NGF: variants seen among roughly 807,000 people sequenced by gnomAD.
NGF encodes nerve growth factor.
A neutral mutation model predicts 12.8 loss-of-function variants in NGF; 4 were observed. That is an observed-to-expected ratio of 0.31 (90% confidence interval 0.15 to 0.72). The LOEUF (loss-of-function observed/expected upper bound fraction) is 0.72. Among genes scored for constraint, NGF ranks in the 30% least tolerant of loss-of-function variants. The pLI, the probability that NGF is intolerant of heterozygous loss-of-function variation, is 0.69. For missense variants in NGF, 283 were observed against 330.8 expected (o/e 0.86, Z 1.12); for synonymous variants, 140 against 130.0 (o/e 1.08, Z -0.52).
chr1:115,301,489 C>T lies in NGF; in HGVS notation c.-136-7739G>A, dbSNP rs965065619. Among the ~76,000 whole-genome samples the T allele has an allele frequency of 2.8e-4, 42 of 152,304 alleles. No homozygotes were observed. In the Middle Eastern group the frequency reaches 0.01, roughly 37 times the overall value. ...ATTAATATCATTAAAGACATTTGGC[C>T]AGAATCAGGCAGCTAGTTACTGGCA... On this transcript the variant is annotated intron_variant, in intron 1 of 2. Coordinates refer to ENST00000369512, the MANE Select transcript of NGF (RefSeq NM_002506.3).
intron 1 of NGF, among the ~76,000 whole-genome samples, chr1:115,319,789 T>A (rs1326077069): frequency 2.4e-4 from 36 of 152,188 alleles, no homozygotes; most frequent in Non-Finnish European, 8.8e-5. Context: ...AGTTTTTCCT[T>A]ATATTAAGGA....
At chr1:115,299,399 G>C (rs4075872) in intron 1 of NGF, among the ~76,000 whole-genome samples, 38,583 of 152,056 alleles carry the variant, frequency 0.25, 5,748 homozygotes, top group African/African-American at 0.42. Flanking sequence ...ACCTCAGCTT[G>C]AGAATCAAAG....
At chr1:115,319,751 C>G (rs1322716939) in intron 1 of NGF, among the ~76,000 whole-genome samples, 1 of 152,190 alleles carries the variant, frequency 6.6e-6, no homozygotes, top group African/African-American at 2.4e-5. Context: ...GGGCACCCAG[C>G]CCTCGTTCTT....
intron 1 of NGF, among the ~76,000 whole-genome samples, chr1:115,331,527 C>G (rs1473682896): frequency 3.3e-5 from 5 of 152,162 alleles, no homozygotes; most frequent in Non-Finnish European, 5.9e-5. Context: ...GATTAAAAAG[C>G]CTGCAGACAA....
intron 1 of NGF, among the ~76,000 whole-genome samples, chr1:115,337,285 T>G (rs1007052319): frequency 0.011 from 1,487 of 131,232 alleles, 99 homozygotes; most frequent in Non-Finnish European, 0.017. Context: ...TTTTTTTTTT[T>G]TTTTTTTTTT....
chr1:115,331,167 C>T (rs995151108), intron 1 of NGF, among the ~76,000 whole-genome samples: 2 of 152,178 alleles, frequency 1.3e-5, no homozygotes, highest in Non-Finnish European at 2.9e-5. Context: ...AAGAACTTTC[C>T]AGCACTCTCT....
At chr1:115,329,622 T>C (rs1654860894) in intron 1 of NGF, among the ~76,000 whole-genome samples, 1 of 152,230 alleles carries the variant, frequency 6.6e-6, no homozygotes, top group Non-Finnish European at 1.5e-5. Flanking sequence ...TTTCCCTTGC[T>C]ATATCCAATG....
intron 1 of NGF, among the ~76,000 whole-genome samples, chr1:115,309,204 C>A (rs1301574021): frequency 3.9e-5 from 6 of 152,116 alleles, no homozygotes; most frequent in African/African-American, 1.2e-4. Flanking sequence ...TGCCTTAGGG[C>A]AGTCTAGTAC....
intron 1 of NGF, among the ~76,000 whole-genome samples, chr1:115,301,504 A>G (rs1654033670): frequency 6.6e-6 from 1 of 152,194 alleles, no homozygotes. Context: ...TCAGGCAGCT[A>G]GTTACTGGCA....
At chr1:115,299,898 C>T (rs150365514) in intron 1 of NGF, among the ~76,000 whole-genome samples, 99 of 152,272 alleles carry the variant, frequency 6.5e-4, no homozygotes, top group Admixed American at 1.0e-3. Flanking sequence ...GGAACAATGA[C>T]TCTCAGGTTC....
At chr1:115,321,381 G>T (rs528571426) in intron 1 of NGF, among the ~76,000 whole-genome samples, 2 of 152,242 alleles carry the variant, frequency 1.3e-5, no homozygotes, top group South Asian at 4.1e-4. Flanking sequence ...TTTTAATCAA[G>T]GAACTTCATC....
chr1:115,286,520 C>T lies in NGF; in HGVS notation c.276G>A (p.Gln92=), dbSNP rs202060337. 3.0e-5 allele frequency: 49 copies of T among 1,614,202 alleles called. No individual in the cohort carries two copies. The East Asian group carries it at 1.1e-3, about 35-fold the overall frequency. Residue 92 remains glutamine (Q), a synonymous_variant, in exon 3 of 3, where the codon CAG becomes CAA. Transcript: ENST00000369512. ...GAGTGTCTGCAGCTTCACGGGGAGG[C>T]TGGGTGCTAAACAGCACACGGGGTG... ...LRSPRVLFST[Q]PPREAADTQD...
intron 2 of NGF, among the ~76,000 whole-genome samples, chr1:115,289,830 C>CTGA (rs1653628016): frequency 6.6e-6 from 1 of 152,158 alleles, no homozygotes. Flanking sequence ...CATACCTCTG[C>CTGA]TTATCCCTCT....
At chr1:115,294,367 T>A (rs1310086041) in intron 1 of NGF, among the ~76,000 whole-genome samples, 5 of 152,352 alleles carry the variant, frequency 3.3e-5, no homozygotes, top group African/African-American at 1.2e-4. Flanking sequence ...AATTTTAGGC[T>A]GTAGTTTCTA....
chr1:115,315,256 A>T (rs906850007), intron 1 of NGF, among the ~76,000 whole-genome samples: 2 of 152,192 alleles, frequency 1.3e-5, no homozygotes, highest in Non-Finnish European at 2.9e-5. Context: ...TTTTAAGAGG[A>T]ACACTGTGGC....
At chr1:115,317,689 AGC>A (rs1408482345) in intron 1 of NGF, among the ~76,000 whole-genome samples, 1 of 152,184 alleles carries the variant, frequency 6.6e-6, no homozygotes, top group Non-Finnish European at 1.5e-5. Context: ...GTTGCGGCCA[AGC>A]TACAGTCAGG....
At position 115,286,227 on chromosome 1, in the gene NGF, C is replaced by T. The variant is rs1210460945; in HGVS notation, c.569G>A (p.Arg190Gln). ...GTTCCAGTGCTTTGAGTCAATGCCC[C>T]GGCACCCGCTGTCAACGGGATTTGG... ...RDPNPVDSGC[R>Q]GIDSKHWNSY... The change falls in exon 3 of 3, where the codon CGG becomes CAG. Residue 190 changes from arginine (R) to glutamine (Q), a missense_variant. Around this residue, in one of 2 missense-constraint regions of NGF, gnomAD observed 132 missense variants for 189.2 expected, o/e 0.70. Transcript: ENST00000369512. The T allele has an allele frequency of 8.7e-6, 14 of 1,614,004 alleles. No homozygotes were observed. The highest frequency in any genetic ancestry group is 1.6e-4 in the Middle Eastern group (1 of 6,084).
chr1:115,333,678 TTTCTTTCTTTC>T (rs1435287452), intron 1 of NGF, among the ~76,000 whole-genome samples: 1 of 70,812 alleles, frequency 1.4e-5, no homozygotes, highest in African/African-American at 1.1e-4. Context: ...TCTTTCTTTC[TTTCTTTCTTTC>T]TTTCTTTCTT....
At position 115,286,737 on chromosome 1, in the gene NGF, G is replaced by A. The variant is rs773903815; in HGVS notation, c.59C>T (p.Pro20Leu). ...TGCAGGGACATTGCTCTCTGAGTGT[G>A]GTTCCGCCTGTATGCCGATCAGAAA... ...TAFLIGIQAE[P>L]HSESNVPAGH... Residue 20 changes from proline to leucine, a missense_variant, in exon 3 of 3, where the codon CCA (proline) becomes CTA (leucine). Physicochemically the swap from Pro to Leu is moderately conservative, Grantham distance 98. Transcript: ENST00000369512. 3 of 1,614,188 alleles carry A rather than the reference G, an allele frequency of 1.9e-6. No homozygotes were observed. The highest frequency in any genetic ancestry group is 2.5e-6 in the Non-Finnish European group (3 of 1,180,034).
Sources: gnomAD v4.1 joint callset for allele counts (sites outside exome capture counted in the v4.1 genomes callset) on GRCh38, gnomAD v4.1.1 for gene constraint, gnomAD v4.1.1 regional missense constraint, MANE v1.5 for transcripts, NCBI Gene and HGNC (gene_info 2026-07-23, HGNC 2026-07-21) for gene names.